TRMT6: variants seen among roughly 807,000 people sequenced by gnomAD.
TRMT6 encodes the protein tRNA methyltransferase 6 non-catalytic subunit.
A neutral mutation model predicts 59.0 loss-of-function variants in TRMT6; 34 were observed. The ratio of observed to expected loss-of-function variants is 0.58; its 90% confidence interval spans 0.44 to 0.77. The LOEUF (loss-of-function observed/expected upper bound fraction) is 0.77, where lower values mean the gene tolerates loss of function less well. Ranked by LOEUF, TRMT6 falls within the 30% of genes least tolerant of loss-of-function variation. TRMT6 has a pLI of 0.00. For missense variants in TRMT6, 575 were observed against 604.5 expected, an observed-to-expected ratio of 0.95 and a Z score of 0.51; for synonymous variants, 217 against 210.5, an observed-to-expected ratio of 1.03 and a Z score of -0.27.
Position 5,942,457 on chromosome 20 carries a change from G to A in TRMT6, c.997C>T (p.Pro333Ser). The change falls in exon 7 of 11, where the codon CCT becomes TCT. Residue 333 changes from proline to serine, a missense_variant. Coordinates refer to ENST00000203001, the MANE Select transcript of TRMT6 (RefSeq NM_015939.5). ...TCTTTTTTGCTTCCTCTCTCTTTAG[G>A]CCCCTTATGTTCTGGATCTTGAGAA... The part of the protein sequence containing the change: ...TISQDPEHKG[P>S]KERGSKKDYI... 2 of 1,613,678 alleles carry A rather than the reference G, an allele frequency of 1.2e-6. No homozygotes were observed. Among genetic ancestry groups the A allele is most frequent in the Non-Finnish European group, 1.7e-6 (2 of 1,179,928 alleles).
At chr20:5,946,283 T>TA in intron 2 of TRMT6, 123 bp downstream of exon 2, 1 of 1,234,162 alleles carries the variant, frequency 8.1e-7, no homozygotes, top group Non-Finnish European at 1.2e-6. Flanking sequence ...CTGCAGTTCT[T>TA]AGATTATGAG....
chr20:5,938,549 CTG>C lies in TRMT6; in HGVS notation c.1478_1479del (p.Pro493ArgfsTer3). ...EEPAAKKRKC[P>X]ESDS ...TCTCAAAAGGGTTAAGAGTCAGACT[CTG>C]GGCATTTTCGTTTTTTAGCTGCAGG... On this transcript the variant is annotated frameshift_variant, in exon 11 of 11. Coordinates refer to ENST00000203001, the MANE Select transcript of TRMT6 (RefSeq NM_015939.5). LOFTEE classifies it high-confidence loss of function. 1 of 1,614,048 alleles carries C rather than the reference CTG, an allele frequency of 6.2e-7. No individual in the cohort carries two copies. The highest frequency in any genetic ancestry group is 8.5e-7 in the Non-Finnish European group (1 of 1,179,940).
In TRMT6 at chr20:5,950,227, G is replaced by T. The variant is rs374533662; in HGVS notation, c.128+51C>A. ...CTGTGGAGAAACCTGGAGGGAGGGG[G>T]TATCTACAAGGTGGGGGCGGGAGAC... On this transcript the variant is annotated intron_variant, in intron 1 of 10. Coordinates refer to ENST00000203001, the MANE Select transcript of TRMT6 (RefSeq NM_015939.5). The T allele has an allele frequency of 1.7e-5, 26 of 1,495,900 alleles. No homozygotes were observed. In the African/African-American group the frequency reaches 3.3e-4, roughly 19 times the overall value. The allele number at this position is 1,495,900 out of a possible 1,614,324, so 92.7% of individuals were successfully genotyped here.
Position 5,944,008 on chromosome 20 carries a change from A to C in TRMT6, c.482T>G (p.Val161Gly). The change falls in exon 5 of 11, where the codon GTG (valine) becomes GGG (glycine). Residue 161 changes from valine to glycine, a missense_variant. Coordinates refer to ENST00000203001, the MANE Select transcript of TRMT6 (RefSeq NM_015939.5). Reference protein sequence around the residue: ...KKKYEAIITVVKPSTRILSIM... With the variant: ...KKKYEAIITVGKPSTRILSIM... ...TGAAAGAATACGGGTGGATGGCTTC[A>C]CAACAGTAATGATGGCTTCATATCT... The C allele has an allele frequency of 6.2e-7, 1 of 1,606,946 alleles. No homozygotes were observed.
intron 5 of TRMT6, 132 bp downstream of exon 5, chr20:5,943,816 A>ATACT (rs2088680919): frequency 6.6e-7 from 1 of 1,520,252 alleles, no homozygotes; most frequent in Non-Finnish European, 8.8e-7. Context: ...GGTGACAGTA[A>ATACT]AAGGACTTAC....
At chr20:5,942,306 C>A (rs2088663394) in intron 7 of TRMT6, 122 bp downstream of exon 7, 3 of 920,678 alleles carry the variant, frequency 3.3e-6, no homozygotes, top group Non-Finnish European at 5.3e-6. Flanking sequence ...CACTCGTTCT[C>A]TGTTTTGATA....
At chr20:5,942,116 T>C (rs1312327506) in intron 7 of TRMT6, 80 bp from the exon 8 acceptor site, 2 of 1,244,634 alleles carry the variant, frequency 1.6e-6, no homozygotes, top group Non-Finnish European at 1.2e-6. Context: ...TGTCAAAACA[T>C]TTCAACAATA....
intron 10 of TRMT6, 40 bp downstream of exon 10, chr20:5,941,013 C>A (rs114699711): frequency 6.7e-7 from 1 of 1,496,990 alleles, no homozygotes; most frequent in African/African-American, 1.4e-5. Flanking sequence ...AGTCAAGTCT[C>A]GGGAGGGCAG....
chr20:5,946,511 A>G lies in TRMT6; in HGVS notation c.151T>C (p.Trp51Arg). Residue 51 changes from tryptophan to arginine, a missense_variant, in exon 2 of 11, where the codon TGG becomes CGG. Trp to Arg is a moderately radical substitution (Grantham distance 101). Coordinates refer to ENST00000203001, the MANE Select transcript of TRMT6 (RefSeq NM_015939.5). ...RRKKVTFEKQ[W>R]FYLDNVIGHS... Reference sequence around the variant, plus strand: ...CCAATGACGTTATCCAGGTAGAACCACTGTTTTTCGAAAGTTACTTTTCTA... The same window carrying G: ...CCAATGACGTTATCCAGGTAGAACCGCTGTTTTTCGAAAGTTACTTTTCTA... The G allele has an allele frequency of 6.2e-7, 1 of 1,614,112 alleles. No homozygotes were observed. The highest frequency in any genetic ancestry group is 8.5e-7 in the Non-Finnish European group (1 of 1,180,004).
At chr20:5,946,670 A>C in intron 1 of TRMT6, 137 bp from the exon 2 acceptor site, 1 of 775,508 alleles carries the variant, frequency 1.3e-6, no homozygotes, top group Non-Finnish European at 2.0e-6. Flanking sequence ...AAAGCAACAA[A>C]GGAACTAGAG....
chr20:5,938,625 G>A lies in TRMT6; in HGVS notation c.1404C>T (p.Thr468=). The change falls in exon 11 of 11, where the codon ACC becomes ACT. Residue 468 remains threonine (T), a synonymous_variant. Coordinates refer to ENST00000203001, the MANE Select transcript of TRMT6 (RefSeq NM_015939.5). The part of the protein sequence containing the change: ...TVAMDNLKAD[T]SLKSNASTLE... The stretch of plus-strand genomic sequence containing the variant: ...AAGTGCTTGCATTAGATTTGAGGCT[G>A]GTGTCTGCTTTAAGGTTGTCCATGG... The A allele has an allele frequency of 1.9e-6, 3 of 1,614,204 alleles. No homozygotes were observed. The highest frequency in any genetic ancestry group is 2.5e-6 in the Non-Finnish European group (3 of 1,180,040).
Position 5,942,486 on chromosome 20 carries a change from G to T in TRMT6, c.968C>A (p.Thr323Lys). 1 of 1,613,908 alleles carries T rather than the reference G, an allele frequency of 6.2e-7. No individual in the cohort carries two copies. Among genetic ancestry groups the T allele is most frequent in the Non-Finnish European group, 8.5e-7 (1 of 1,179,968 alleles). ...NHPEDQETME[T>K]ISQDPEHKGP... Reference sequence around the variant, plus strand: ...CTTATGTTCTGGATCTTGAGAAATTGTTTCCATTGTTTCCTGGTCTTCTGG... The same window carrying T: ...CTTATGTTCTGGATCTTGAGAAATTTTTTCCATTGTTTCCTGGTCTTCTGG... Residue 323 changes from threonine (T) to lysine (K), a missense_variant, in exon 7 of 11, where the codon ACA (threonine) becomes AAA (lysine). By Grantham distance (78) the Thr-to-Lys change is moderately conservative. Transcript: ENST00000203001.
In TRMT6 at chr20:5,938,615, A is replaced by T; in HGVS notation, c.1414T>A (p.Ser472Thr). 1.2e-6 allele frequency: 2 copies of T among 1,614,196 alleles called. No individual in the cohort carries two copies. The highest frequency in any genetic ancestry group is 1.7e-6 in the Non-Finnish European group (2 of 1,180,026). Residue 472 changes from serine to threonine, a missense_variant, in exon 11 of 11, where the codon TCT (serine) becomes ACT (threonine). Ser to Thr is a moderately conservative substitution (Grantham distance 58). Coordinates refer to ENST00000203001, the MANE Select transcript of TRMT6 (RefSeq NM_015939.5). ...TGTGATTCTAAAGTGCTTGCATTAG[A>T]TTTGAGGCTGGTGTCTGCTTTAAGG... is the stretch of plus-strand genomic sequence containing the variant. Reference protein sequence around the residue: ...DNLKADTSLKSNASTLESHET... With the variant: ...DNLKADTSLKTNASTLESHET...
chr20:5,943,814 T>C (rs1007989929), intron 5 of TRMT6, 131 bp from the exon 6 acceptor site: 1 of 1,518,504 alleles, frequency 6.6e-7, no homozygotes, highest in African/African-American at 1.4e-5. Context: ...GAGGTGACAG[T>C]AAAAGGACTT....
intron 1 of TRMT6, among the ~76,000 whole-genome samples, chr20:5,948,428 G>A (rs1482116659): frequency 1.3e-5 from 2 of 152,204 alleles, no homozygotes; most frequent in East Asian, 3.9e-4. Context: ...CAGCTGAGCT[G>A]AGAGAGTCAT....
At chr20:5,946,324 G>A in intron 2 of TRMT6, 82 bp downstream of exon 2, 1 of 1,554,992 alleles carries the variant, frequency 6.4e-7, no homozygotes. Flanking sequence ...GCATGGCCTA[G>A]CACTTGGGAA....
intron 10 of TRMT6, among the ~76,000 whole-genome samples, chr20:5,939,930 G>A (rs1488298892): frequency 2.0e-5 from 3 of 152,206 alleles, no homozygotes; most frequent in Non-Finnish European, 2.9e-5. Flanking sequence ...ACAGCTGAGA[G>A]GCATTCAGGC....
rs544238600 is a variant in TRMT6, at chr20:5,943,305, G to A, written c.667+254C>T. Among the ~76,000 whole-genome samples, 13 of 152,294 alleles carry A rather than the reference G, an allele frequency of 8.5e-5. 1 individual carries two copies. In the South Asian group the frequency reaches 2.7e-3, roughly 32 times the overall value. On this transcript the variant is annotated intron_variant, in intron 6 of 10. Transcript: ENST00000203001. ...TCCCGAAAGCCCTAGCCAGCCACAG[G>A]CTCCAGCATCATGCCCACTGACAGT...
chr20:5,946,592 A>G, intron 1 of TRMT6, 59 bp from the exon 2 acceptor site: 2 of 1,538,052 alleles, frequency 1.3e-6, no homozygotes, highest in South Asian at 1.1e-5. Context: ...CAGAAAAGAC[A>G]TGTTCACTAC....
Sources: gnomAD v4.1 joint callset for allele counts (sites outside exome capture counted in the v4.1 genomes callset) on GRCh38, gnomAD v4.1.1 for gene constraint, MANE v1.5 for transcripts, NCBI Gene and HGNC (gene_info 2026-07-23, HGNC 2026-07-21) for gene names.